Variants in ADGRG4 observed in about 807,000 individuals in gnomAD.
ADGRG4 encodes the protein G protein-coupled receptor 112.
Under a neutral mutation model 126.2 loss-of-function variants are expected in ADGRG4, and 122 were observed. The ratio of observed to expected loss-of-function variants is 0.97; its 90% CI spans 0.83 to 1.12. The LOEUF (loss-of-function observed/expected upper bound fraction) is 1.12, where lower values mean the gene tolerates loss of function less well. Among genes scored for constraint, ADGRG4 ranks in the 50% most tolerant of loss-of-function variants. The pLI is 0.00. For missense variants in ADGRG4, 2,481 were observed against 2,251.8 expected (o/e 1.10, Z -2.06); for synonymous variants, 943 against 838.7 (o/e 1.12, Z -2.15).
At chrX:136,356,187 A>G (rs1205819634) in intron 9 of ADGRG4, 22 bp downstream of exon 9, 2 of 1,108,379 alleles carry the variant, frequency 1.8e-6, no homozygotes, top group Non-Finnish European at 1.2e-6. Flanking sequence ...TTCAAAATGA[A>G]TCTACTTGTG....
At chrX:136,306,267 A>G (rs746417235) in intron 3 of ADGRG4, 2 of 110,245 alleles carry the variant, frequency 1.8e-5, no homozygotes, top group South Asian at 3.9e-4. Context: ...TTTCTGAACC[A>G]CAAAATTAAG....
At chrX:136,358,164 C>T (rs760216529) in intron 10 of ADGRG4, among the ~76,000 whole-genome samples, 10 of 111,159 alleles carry the variant, frequency 9.0e-5, no homozygotes, top group Admixed American at 5.8e-4. Context: ...ATCTGTTCGA[C>T]GCACATCAGG....
In ADGRG4 at chrX:136,359,190, A is replaced by C; in HGVS notation, c.6981-102A>C. The stretch of plus-strand genomic sequence containing the variant: ...AGCTGTAAAATGTTTGACATTTATG[A>C]ACTACCAATTAAATCAGCTGTACAG... On this transcript the variant is annotated intron_variant, in intron 10 of 25. Coordinates refer to ENST00000394143, the MANE Select transcript of ADGRG4 (RefSeq NM_153834.4). 4.8e-6 allele frequency: 3 copies of C among 631,454 alleles called. No homozygotes were observed. In the Admixed American group the frequency reaches 1.0e-4, roughly 22 times the overall value. 52.0% of individuals were successfully genotyped at this position (631,454 alleles called of 1,213,427 possible).
intron 20 of ADGRG4, among the ~76,000 whole-genome samples, chrX:136,398,658 A>T (rs754395274): frequency 8.9e-6 from 1 of 112,465 alleles, no homozygotes; most frequent in East Asian, 2.8e-4. Context: ...GAACAACTGG[A>T]ACTCATACAT....
chrX:136,350,677 A>G (rs2075056732), intron 6 of ADGRG4, among the ~76,000 whole-genome samples: 1 of 111,520 alleles, frequency 9.0e-6, no homozygotes, highest in African/African-American at 3.3e-5. Flanking sequence ...CAGCATGACA[A>G]TTTCTAAGCC....
At position 136,323,379 on chromosome X, in the gene ADGRG4, G is replaced by T; in HGVS notation, c.672G>T (p.Arg224Ser). ...LVNKIIPTVD[R>S]TLRCFVPENM... The stretch of plus-strand genomic sequence containing the variant: ...ACAAGATCATCCCAACTGTTGACAG[G>T]ACACTGCGCTGCTGTGAGTAACTTA... Residue 224 changes from arginine (R) to serine (S), a missense_variant, in exon 5 of 26, where the codon AGG becomes AGT. Coordinates refer to ENST00000394143, the MANE Select transcript of ADGRG4 (RefSeq NM_153834.4). 1 of 1,206,290 alleles carries T rather than the reference G, an allele frequency of 8.3e-7. No homozygotes were observed. Among genetic ancestry groups the T allele is most frequent in the Non-Finnish European group, 1.1e-6 (1 of 892,642 alleles).
chrX:136,399,188 T>C (rs932742521), intron 20 of ADGRG4, among the ~76,000 whole-genome samples: 1 of 111,658 alleles, frequency 9.0e-6, no homozygotes, highest in African/African-American at 3.3e-5. Context: ...TACCTCTTGA[T>C]CTGTGTCGAA....
chrX:136,342,841 T>G (rs1170249823), intron 5 of ADGRG4, among the ~76,000 whole-genome samples: 1 of 109,294 alleles, frequency 9.1e-6, no homozygotes, highest in Non-Finnish European at 1.9e-5. Flanking sequence ...AATTTTCTTT[T>G]TATCCTATGA....
intron 18 of ADGRG4, among the ~76,000 whole-genome samples, chrX:136,394,683 G>A (rs775579435): frequency 1.7e-4 from 19 of 112,063 alleles, no homozygotes; most frequent in African/African-American, 4.9e-4. Context: ...CCTCTGCCCC[G>A]TGGATCTAGA....
chrX:136,354,676 G>A (rs1032269151), intron 8 of ADGRG4, among the ~76,000 whole-genome samples: 3 of 111,278 alleles, frequency 2.7e-5, no homozygotes, highest in Non-Finnish European at 5.7e-5. Context: ...CAGGCCTCCA[G>A]AACTTCTGAC....
At chrX:136,357,159 CT>C (rs1490960823) in intron 9 of ADGRG4, among the ~76,000 whole-genome samples, 1 of 111,395 alleles carries the variant, frequency 9.0e-6, no homozygotes, top group East Asian at 2.8e-4. Context: ...GTGTAAAATC[CT>C]TTTGGTGATA....
chrX:136,410,524 A>T (rs912611731), intron 23 of ADGRG4, among the ~76,000 whole-genome samples: 3 of 111,976 alleles, frequency 2.7e-5, no homozygotes, highest in Non-Finnish European at 5.6e-5. Context: ...GACCTCTTTG[A>T]TACTAATCAT....
chrX:136,346,942 C>T lies in ADGRG4; in HGVS notation c.3236C>T (p.Pro1079Leu), dbSNP rs1446294068. ...QTASTTIVIV[P>L]THGDLIRTTS... ...GCTTCCACAACCATTGTTATTGTGCCTACCCATGGAGACTTGATTCGTACC... is the reference window on the plus strand; with the variant it reads ...GCTTCCACAACCATTGTTATTGTGCTTACCCATGGAGACTTGATTCGTACC... Residue 1079 changes from proline (P) to leucine (L), a missense_variant, in exon 6 of 26, where the codon CCT becomes CTT. By Grantham distance (98) the Pro-to-Leu change is moderately conservative. Transcript: ENST00000394143. The T allele has an allele frequency of 8.3e-7, 1 of 1,210,919 alleles. No homozygotes were observed.
chrX:136,407,933 T>C (rs1023610745), intron 23 of ADGRG4, among the ~76,000 whole-genome samples: 28 of 112,191 alleles, frequency 2.5e-4, no homozygotes, highest in African/African-American at 8.7e-4. Context: ...AGTCATGGTA[T>C]AGAATGTCCA....
chrX:136,388,033 G>A (rs954395343), intron 16 of ADGRG4, among the ~76,000 whole-genome samples, 159 bp downstream of exon 16: 5 of 111,947 alleles, frequency 4.5e-5, no homozygotes, highest in East Asian at 2.8e-4. Context: ...ATGAATCAAC[G>A]TCTACTTTAA....
intron 4 of ADGRG4, among the ~76,000 whole-genome samples, chrX:136,310,708 T>TA (rs767982516): frequency 3.0e-4 from 33 of 110,868 alleles, no homozygotes; most frequent in African/African-American, 1.1e-3. Flanking sequence ...CATAGAAGAA[T>TA]ATCAAGGGTT....
intron 5 of ADGRG4, among the ~76,000 whole-genome samples, chrX:136,337,815 C>T (rs1161522475): frequency 8.9e-6 from 1 of 112,068 alleles, no homozygotes; most frequent in Non-Finnish European, 1.9e-5. Flanking sequence ...ATTTGTTTAG[C>T]TTTTTGAATC....
At chrX:136,381,260 A>G (rs1282456346) in intron 15 of ADGRG4, among the ~76,000 whole-genome samples, 1 of 110,187 alleles carries the variant, frequency 9.1e-6, no homozygotes, top group African/African-American at 3.3e-5. Context: ...ATATCGTATT[A>G]TTATTTTTTC....
intron 4 of ADGRG4, among the ~76,000 whole-genome samples, chrX:136,315,307 A>G (rs2074798281): frequency 9.1e-6 from 1 of 110,176 alleles, no homozygotes; most frequent in Admixed American, 9.7e-5. Context: ...CTGCTAGACC[A>G]GGGCCTGGTC....
Sources: gnomAD v4.1 joint callset for allele counts (sites outside exome capture counted in the v4.1 genomes callset) on GRCh38, gnomAD v4.1.1 for gene constraint, MANE v1.5 for transcripts, NCBI Gene and HGNC (gene_info 2026-07-23, HGNC 2026-07-21) for gene names.